The following KLHL4 variants were observed in gnomAD, a reference collection of about 807,000 sequenced individuals.
The protein encoded by KLHL4 is kelch like family member 4.
A neutral mutation model predicts 45.8 loss-of-function variants in KLHL4; 17 were observed. The observed-to-expected ratio is 0.37, with a 90% CI of 0.25 to 0.56. The LOEUF (loss-of-function observed/expected upper bound fraction) is 0.56. Ranked by LOEUF, KLHL4 falls within the 20% of genes least tolerant of loss-of-function variation. The pLI is 0.79. For synonymous variants in KLHL4, 224 were observed against 189.9 expected (o/e 1.18, Z -1.47); for missense variants, 544 against 544.9 (o/e 1.00, Z 0.02).
At chrX:87,577,358 C>A (rs1921134787) in intron 1 of KLHL4, among the ~76,000 whole-genome samples, 1 of 111,677 alleles carries the variant, frequency 9.0e-6, no homozygotes, top group African/African-American at 3.3e-5. Flanking sequence ...AGACATCGTT[C>A]TATTTATAAC....
intron 1 of KLHL4, among the ~76,000 whole-genome samples, chrX:87,576,099 A>G (rs1193705005): frequency 9.0e-6 from 1 of 111,560 alleles, no homozygotes; most frequent in African/African-American, 3.2e-5. Flanking sequence ...TGAGATTTCT[A>G]CAATACTATG....
chrX:87,542,597 C>T (rs192567884), intron 1 of KLHL4, among the ~76,000 whole-genome samples: 20 of 112,827 alleles, frequency 1.8e-4, no homozygotes, highest in African/African-American at 6.4e-4. Context: ...TTGTTTTGGA[C>T]ATGCATGGGG....
At position 87,633,093 on chromosome X, in the gene KLHL4, G is replaced by A. The variant is rs755615069; in HGVS notation, c.1550-656G>A. ...AGGTCCTGCAGGGAAATCAGAGCAAGCTTATTTTTCAATATAATTGATATT... is the reference window on the plus strand; with the variant it reads ...AGGTCCTGCAGGGAAATCAGAGCAAACTTATTTTTCAATATAATTGATATT... On this transcript the variant is annotated intron_variant, in intron 7 of 10. Coordinates refer to ENST00000373119, the MANE Select transcript of KLHL4 (RefSeq NM_019117.5). Among the ~76,000 whole-genome samples the A allele has an allele frequency of 2.7e-5, 3 of 111,195 alleles. No individual in the cohort carries two copies. In the East Asian group the frequency reaches 8.5e-4, roughly 31 times the overall value.
chrX:87,619,345 C>T (rs944428736), intron 4 of KLHL4, among the ~76,000 whole-genome samples: 1 of 111,520 alleles, frequency 9.0e-6, no homozygotes, highest in Non-Finnish European at 1.9e-5. Flanking sequence ...AACTTCTTAT[C>T]AAATCTTTCT....
At chrX:87,532,956 C>T (rs1322270053) in intron 1 of KLHL4, among the ~76,000 whole-genome samples, 1 of 108,686 alleles carries the variant, frequency 9.2e-6, no homozygotes, top group East Asian at 3.0e-4. Context: ...TGAAAAAATG[C>T]TCACCATCAC....
At chrX:87,660,481 G>A (rs768533212) in intron 9 of KLHL4, among the ~76,000 whole-genome samples, 1 of 111,931 alleles carries the variant, frequency 8.9e-6, no homozygotes, top group Non-Finnish European at 1.9e-5. Context: ...GGGAAAAAAT[G>A]TCTTGATCAA....
chrX:87,644,350 G>A (rs771417150), intron 9 of KLHL4, among the ~76,000 whole-genome samples: 9 of 110,234 alleles, frequency 8.2e-5, no homozygotes, highest in Non-Finnish European at 1.5e-4. Context: ...CATAATCAAG[G>A]GGTCAAAAGA....
chrX:87,634,488 G>A (rs1923196972), intron 8 of KLHL4, among the ~76,000 whole-genome samples: 1 of 111,631 alleles, frequency 9.0e-6, no homozygotes. Flanking sequence ...CAGGTATTAT[G>A]TGCTTTCTGA....
chrX:87,622,544 A>G (rs904328794), intron 5 of KLHL4, 121 bp downstream of exon 5: 70 of 450,727 alleles, frequency 1.6e-4, no homozygotes, highest in African/African-American at 1.4e-3. Flanking sequence ...AGTGTACAAG[A>G]TTCGTTTCAC....
At chrX:87,525,689 G>A (rs1931096396) in intron 1 of KLHL4, among the ~76,000 whole-genome samples, 1 of 111,169 alleles carries the variant, frequency 9.0e-6, no homozygotes, top group South Asian at 3.8e-4. Context: ...TTACATAAAG[G>A]TTTACTCTGG....
chrX:87,524,544 A>G (rs950549929), intron 1 of KLHL4, among the ~76,000 whole-genome samples: 4 of 111,305 alleles, frequency 3.6e-5, no homozygotes, highest in East Asian at 2.8e-4. Flanking sequence ...AGAAATTTAC[A>G]TAGGGGGACA....
chrX:87,542,930 A>G (rs1453391597), intron 1 of KLHL4, among the ~76,000 whole-genome samples: 1 of 111,620 alleles, frequency 9.0e-6, no homozygotes, highest in African/African-American at 3.3e-5. Context: ...CTGGAAATGT[A>G]ATCCCTTTGT....
intron 1 of KLHL4, among the ~76,000 whole-genome samples, chrX:87,540,346 A>G (rs1209710342): frequency 8.9e-6 from 1 of 111,983 alleles, no homozygotes; most frequent in Non-Finnish European, 1.9e-5. Flanking sequence ...TTTACTTTAT[A>G]TATTTTTTAA....
intron 1 of KLHL4, among the ~76,000 whole-genome samples, chrX:87,557,012 C>G (rs1931994018): frequency 9.0e-6 from 1 of 111,476 alleles, no homozygotes; most frequent in African/African-American, 3.3e-5. Flanking sequence ...AGCAGAGAAT[C>G]CATAAGGACA....
intron 1 of KLHL4, among the ~76,000 whole-genome samples, chrX:87,570,761 T>G (rs1429127054): frequency 1.8e-5 from 2 of 111,069 alleles, no homozygotes; most frequent in Admixed American, 9.6e-5. Flanking sequence ...CTTATACTTC[T>G]AAACATCATT....
At chrX:87,545,503 GT>G (rs34167689) in intron 1 of KLHL4, among the ~76,000 whole-genome samples, 27,825 of 110,788 alleles carry the variant, frequency 0.25, 2,967 homozygotes, top group East Asian at 0.51. Context: ...TGACATGATT[GT>G]TAAGTTTCTT....
chrX:87,668,405 TG>T lies in KLHL4; in HGVS notation c.*1873del, dbSNP rs1448252915. On this transcript the variant is annotated 3_prime_UTR_variant, in exon 11 of 11. Coordinates refer to ENST00000373119, the MANE Select transcript of KLHL4 (RefSeq NM_019117.5). Reference sequence around the variant, plus strand: ...TGAAAGTTGAATACTCTCTTCTCAATGGCATAGCTGGACTTGATTAAGTATT... The same window carrying T: ...TGAAAGTTGAATACTCTCTTCTCAATGCATAGCTGGACTTGATTAAGTATT... The T allele has an allele frequency of 1.3e-6, 1 of 747,623 alleles. No individual in the cohort carries two copies. Among genetic ancestry groups the T allele is most frequent in the Non-Finnish European group, 1.6e-6 (1 of 634,383 alleles). 61.6% of individuals were successfully genotyped at this position (747,623 alleles called of 1,213,427 possible).
At chrX:87,645,504 G>T (rs1349619116) in intron 9 of KLHL4, among the ~76,000 whole-genome samples, 1 of 111,421 alleles carries the variant, frequency 9.0e-6, no homozygotes, top group East Asian at 2.8e-4. Flanking sequence ...ATTCCTTAAA[G>T]AACTAAAAGT....
chrX:87,654,408 G>A (rs181580060), intron 9 of KLHL4, among the ~76,000 whole-genome samples: 2 of 109,716 alleles, frequency 1.8e-5, no homozygotes, highest in African/African-American at 6.9e-5. Flanking sequence ...TTGACTTCCT[G>A]TTTCTGAGTT....
Sources: allele counts gnomAD v4.1 joint callset (sites outside exome capture counted in the v4.1 genomes callset), GRCh38; gene constraint gnomAD v4.1.1; transcripts MANE v1.5; gene names NCBI Gene and HGNC (gene_info 2026-07-23, HGNC 2026-07-21).